AKAP13: variants seen among roughly 807,000 people sequenced by gnomAD.
AKAP13 encodes the protein A-kinase anchor protein 13.
A neutral mutation model predicts 264.5 loss-of-function variants in AKAP13; 80 were observed. The observed-to-expected ratio is 0.30, with a 90% CI of 0.25 to 0.36. The LOEUF is 0.36. Among genes scored for constraint, AKAP13 ranks in the 10% least tolerant of loss-of-function variants. AKAP13 has a pLI of 1.00. For missense variants in AKAP13, 3,712 were observed against 3,435.2 expected (o/e 1.08, Z -2.01); for synonymous variants, 1,380 against 1,250.2 (o/e 1.10, Z -2.19).
chr15:85,660,742 C>T lies in AKAP13; in HGVS notation c.4799+2152C>T, dbSNP rs951829266. Among the ~76,000 whole-genome samples, 5 of 152,142 alleles carry T rather than the reference C, an allele frequency of 3.3e-5. No homozygotes were observed. The South Asian group carries it at 6.2e-4, about 19-fold the overall frequency. On this transcript the variant is annotated intron_variant, in intron 12 of 36. Transcript: ENST00000394518. Reference sequence around the variant, plus strand: ...AGTGTCATCCCACTTACCAGACCAGCGAAGTGTCTCCACTATATTTTTACT... The same window carrying T: ...AGTGTCATCCCACTTACCAGACCAGTGAAGTGTCTCCACTATATTTTTACT...
At chr15:85,396,901 CTTTTTTTT>C (rs34499592) in intron 1 of AKAP13, among the ~76,000 whole-genome samples, 1 of 114,630 alleles carries the variant, frequency 8.7e-6, no homozygotes, top group African/African-American at 3.2e-5. Flanking sequence ...GTATGTTAGA[CTTTTTTTT>C]TTTTTTTTTT....
chr15:85,702,957 C>G (rs2151672556), intron 17 of AKAP13, among the ~76,000 whole-genome samples: 1 of 152,232 alleles, frequency 6.6e-6, no homozygotes, highest in Admixed American at 6.5e-5. Flanking sequence ...TGGGGTCTTG[C>G]CAGTGGTTCT....
At chr15:85,519,422 C>CA (rs1455487167) in intron 2 of AKAP13, among the ~76,000 whole-genome samples, 3 of 152,160 alleles carry the variant, frequency 2.0e-5, no homozygotes, top group African/African-American at 7.2e-5. Flanking sequence ...CATAGTTTGT[C>CA]AACCTGTGCT....
In AKAP13 at chr15:85,639,240, C is replaced by T. The variant is rs115297853; in HGVS notation, c.4162-134C>T. 1.9e-3 allele frequency: 1,149 copies of T among 605,034 alleles called. 9 individuals carry two copies. The highest frequency in any genetic ancestry group is 0.017 in the African/African-American group (928 of 53,526). The allele number at this position is 605,034 out of a possible 1,614,324, so 37.5% of individuals were successfully genotyped here. ...ATATTGTGAAAAAAAAATTTTTTTC[C>T]CTTGACATAAGTTTGCTCACCCTGT... On this transcript the variant is annotated intron_variant, in intron 8 of 36. Transcript: ENST00000394518.
At chr15:85,661,320 T>C (rs909176616) in intron 12 of AKAP13, among the ~76,000 whole-genome samples, 1 of 152,206 alleles carries the variant, frequency 6.6e-6, no homozygotes, top group Non-Finnish European at 1.5e-5. Flanking sequence ...TTCAAGGAAG[T>C]AGATGATCAG....
intron 4 of AKAP13, among the ~76,000 whole-genome samples, chr15:85,543,232 G>A (rs2077628568): frequency 1.3e-5 from 2 of 152,096 alleles, no homozygotes; most frequent in Non-Finnish European, 2.9e-5. Flanking sequence ...TTATTGTGTA[G>A]GAATAAAAAG....
At chr15:85,447,877 G>A (rs902871468) in intron 1 of AKAP13, among the ~76,000 whole-genome samples, 6 of 152,102 alleles carry the variant, frequency 3.9e-5, no homozygotes, top group East Asian at 1.9e-4. Flanking sequence ...AATCCTCTGG[G>A]TATATACTCA....
At chr15:85,525,400 T>C (rs2076999917) in intron 3 of AKAP13, among the ~76,000 whole-genome samples, 1 of 152,186 alleles carries the variant, frequency 6.6e-6, no homozygotes, top group African/African-American at 2.4e-5. Context: ...ATTTTTATGA[T>C]ACATAGTAAT....
Position 85,571,089 on chromosome 15 carries a change from T to C in AKAP13, c.663-4042T>C, listed in dbSNP as rs573675157. On this transcript the variant is annotated intron_variant, in intron 5 of 36. Coordinates refer to ENST00000394518, the MANE Select transcript of AKAP13 (RefSeq NM_007200.5). ...ATGTTTGGCATTAGAGGAAATTATA[T>C]AAACTTTAATCCCAGTGGGGGAAGA... is the stretch of plus-strand genomic sequence containing the variant. Among the ~76,000 whole-genome samples, 23 of 152,260 alleles carry C rather than the reference T, an allele frequency of 1.5e-4. No individual in the cohort carries two copies. In the South Asian group the frequency reaches 4.8e-3, roughly 32 times the overall value.
intron 12 of AKAP13, 64 bp from the exon 13 acceptor site, chr15:85,664,499 T>G: frequency 1.3e-6 from 2 of 1,488,952 alleles, no homozygotes; most frequent in Admixed American, 4.1e-5. Context: ...AAAGGGATTT[T>G]GTGTCCTCCT....
chr15:85,736,912 CTTT>C (rs11407996), intron 33 of AKAP13, among the ~76,000 whole-genome samples: 38 of 98,036 alleles, frequency 3.9e-4, no homozygotes, highest in African/African-American at 1.4e-3. Flanking sequence ...ATATCATCAT[CTTT>C]TTTTTTTTTT....
chr15:85,684,612 A>G (rs72748147), intron 15 of AKAP13, 129 bp from the exon 16 acceptor site: 87,084 of 957,090 alleles, frequency 0.091, 4,546 homozygotes, highest in Admixed American at 0.19. Flanking sequence ...TTTTGATAAC[A>G]GAACCTGGGC....
At chr15:85,617,115 C>T (rs2080970421) in intron 8 of AKAP13, among the ~76,000 whole-genome samples, 1 of 152,180 alleles carries the variant, frequency 6.6e-6, no homozygotes, top group Non-Finnish European at 1.5e-5. Flanking sequence ...AAGACAGACA[C>T]CTTGTTACCT....
intron 8 of AKAP13, among the ~76,000 whole-genome samples, chr15:85,623,539 A>G (rs2081285077): frequency 6.6e-6 from 1 of 152,154 alleles, no homozygotes. Flanking sequence ...AGTTCTGCAT[A>G]GTTTCACGGT....
At chr15:85,557,070 T>TC (rs1461966382) in intron 5 of AKAP13, among the ~76,000 whole-genome samples, 1 of 152,230 alleles carries the variant, frequency 6.6e-6, no homozygotes, top group African/African-American at 2.4e-5. Flanking sequence ...GTCGAATACC[T>TC]CTTAGTGCCA....
At chr15:85,631,540 A>T (rs905266865) in intron 8 of AKAP13, among the ~76,000 whole-genome samples, 1 of 106,656 alleles carries the variant, frequency 9.4e-6, no homozygotes, top group African/African-American at 3.6e-5. Context: ...ACACACACAC[A>T]CACACACACA....
intron 2 of AKAP13, among the ~76,000 whole-genome samples, chr15:85,490,048 AT>A (rs1354925616): frequency 2.0e-5 from 3 of 152,186 alleles, no homozygotes; most frequent in African/African-American, 7.2e-5. Context: ...CACAAAAGTA[AT>A]GATTATTGCC....
At chr15:85,687,451 T>C (rs927404509) in intron 16 of AKAP13, among the ~76,000 whole-genome samples, 7 of 152,222 alleles carry the variant, frequency 4.6e-5, no homozygotes, top group African/African-American at 1.7e-4. Context: ...TCAGTTGACC[T>C]CTTGTCTCTG....
chr15:85,503,099 T>C (rs2076079970), intron 2 of AKAP13, among the ~76,000 whole-genome samples: 3 of 152,310 alleles, frequency 2.0e-5, no homozygotes, highest in South Asian at 2.1e-4. Flanking sequence ...TAAAATACTT[T>C]AGTACTTACT....
Sources: gnomAD v4.1 joint callset for allele counts (sites outside exome capture counted in the v4.1 genomes callset) on GRCh38, gnomAD v4.1.1 for gene constraint, MANE v1.5 for transcripts, NCBI Gene and HGNC (gene_info 2026-07-23, HGNC 2026-07-21) for gene names.